The following MYO18B variants were observed in gnomAD, a reference collection of about 807,000 sequenced individuals.
MYO18B encodes myosin XVIIIB, also known as unconventional myosin-XVIIIb.
MYO18B carries 204 observed loss-of-function variants against 273.0 expected under a neutral mutation model. The observed-to-expected ratio is 0.75, with a 90% confidence interval of 0.67 to 0.84. The LOEUF is 0.84. Ranked by LOEUF, MYO18B falls within the 40% of genes least tolerant of loss-of-function variation. The probability of loss-of-function intolerance (pLI) is 0.00; values close to 1 mark genes in which losing one functional copy is unlikely to be tolerated. For missense variants in MYO18B, 3,212 were observed against 3,287.6 expected, an observed-to-expected ratio of 0.98 and a Z score of 0.56; for synonymous variants, 1,330 against 1,305.7, an observed-to-expected ratio of 1.02 and a Z score of -0.40.
chr22:25,919,448 T>A (rs537840194), intron 33 of MYO18B, among the ~76,000 whole-genome samples: 132 of 152,320 alleles, frequency 8.7e-4, no homozygotes, highest in African/African-American at 3.0e-3. Flanking sequence ...ACTATACACC[T>A]CATTGATTCA....
chr22:25,776,372 C>T (rs887611756), intron 7 of MYO18B, among the ~76,000 whole-genome samples: 1 of 152,146 alleles, frequency 6.6e-6, no homozygotes, highest in Non-Finnish European at 1.5e-5. Context: ...CCGAGGCTGG[C>T]GGATCACTTG....
chr22:25,975,406 G>A (rs1387706333), intron 39 of MYO18B, among the ~76,000 whole-genome samples: 1 of 152,160 alleles, frequency 6.6e-6, no homozygotes, highest in Non-Finnish European at 1.5e-5. Context: ...AGTCTGAGAG[G>A]CATCTGAAAG....
In MYO18B at chr22:25,986,440, C is replaced by A. The variant is rs376615586; in HGVS notation, c.6157-5923C>A. On this transcript the variant is annotated intron_variant, in intron 39 of 43. Transcript: ENST00000335473. ...ACAGAGAGATAATAGCCATTGCTAC[C>A]ACTTTGTTGCAATAATCTCAGCTCA... 1.4e-4 allele frequency among the ~76,000 whole-genome samples: 22 copies of A among 152,046 alleles called. No individual in the cohort carries two copies. In the South Asian group the frequency reaches 4.6e-3, roughly 32 times the overall value.
At chr22:25,929,164 A>AG (rs1172947243) in intron 34 of MYO18B, among the ~76,000 whole-genome samples, 1 of 151,406 alleles carries the variant, frequency 6.6e-6, no homozygotes, top group Non-Finnish European at 1.5e-5. Flanking sequence ...CTGTCTCAAA[A>AG]AAAAAAAAAA....
In MYO18B at chr22:25,780,119, G is replaced by T. The variant is rs978485839; in HGVS notation, c.2132G>T (p.Ser711Ile). ...RAFGSVSMAH[S>I]RSATRFSMVM... ...TTCGGCTCTGTGTCCATGGCCCACAGCCGCAGTGCCACCCGGTTCTCCATG... is the reference window on the plus strand; with the variant it reads ...TTCGGCTCTGTGTCCATGGCCCACATCCGCAGTGCCACCCGGTTCTCCATG... Residue 711 changes from serine to isoleucine, a missense_variant, in exon 9 of 44, where the codon AGC becomes ATC. By Grantham distance (142) the Ser-to-Ile change is moderately radical. Coordinates refer to ENST00000335473, the MANE Select transcript of MYO18B (RefSeq NM_032608.7). 2 of 1,603,530 alleles carry T rather than the reference G, an allele frequency of 1.2e-6. No homozygotes were observed. The highest frequency in any genetic ancestry group is 1.7e-6 in the Non-Finnish European group (2 of 1,176,032).
At chr22:26,031,160 A>T (rs1182440811), downstream of MYO18B, 1 of 383,918 alleles carries the variant, frequency 2.6e-6, no homozygotes, top group African/African-American at 2.1e-5. Flanking sequence ...GTGTGCCCAC[A>T]TTTAGGTAGC....
intron 40 of MYO18B, 69 bp downstream of exon 40, chr22:25,992,562 T>C (rs1409904422): frequency 6.9e-6 from 11 of 1,596,468 alleles, no homozygotes; most frequent in African/African-American, 2.7e-5. Flanking sequence ...CTCTATGCCC[T>C]TTAGCCGGGC....
chr22:25,845,769 T>A (rs1468760975), intron 18 of MYO18B, among the ~76,000 whole-genome samples: 1 of 152,208 alleles, frequency 6.6e-6, no homozygotes, highest in Non-Finnish European at 1.5e-5. Context: ...GACTTTGACC[T>A]CTAAGAGAGT....
chr22:25,919,678 ATGTGTGTGTG>A (rs35856330), intron 33 of MYO18B, among the ~76,000 whole-genome samples: 15 of 147,984 alleles, frequency 1.0e-4, no homozygotes, highest in Non-Finnish European at 1.3e-4. Flanking sequence ...GTGTGTGTGT[ATGTGTGTGTG>A]TGTGTGTGTG....
At chr22:25,924,638 C>T (rs965607004) in intron 34 of MYO18B, among the ~76,000 whole-genome samples, 12 of 152,116 alleles carry the variant, frequency 7.9e-5, no homozygotes, top group Admixed American at 5.9e-4. Context: ...CCAGAACATA[C>T]GGGGCCTGGA....
Position 25,781,719 on chromosome 22 carries a change from C to T in MYO18B, c.2212-15C>T, listed in dbSNP as rs369089158. On this transcript the variant is annotated splice_polypyrimidine_tract_variant and intron_variant, in intron 9 of 43. Coordinates refer to ENST00000335473, the MANE Select transcript of MYO18B (RefSeq NM_032608.7). ...CCCAAAGCACTGACTGGGTGCCCCT[C>T]TTCTCTCCCTGCAGACAATGCTTTT... The T allele has an allele frequency of 2.6e-6, 4 of 1,510,968 alleles. No homozygotes were observed. The highest frequency in any genetic ancestry group is 1.8e-4 in the Middle Eastern group (1 of 5,634). 93.6% of individuals were successfully genotyped at this position (1,510,968 alleles called of 1,614,324 possible).
At chr22:25,828,680 G>C in intron 14 of MYO18B, 96 bp from the exon 15 acceptor site, 1 of 1,214,904 alleles carries the variant, frequency 8.2e-7, no homozygotes, top group Admixed American at 2.0e-5. Context: ...TAAGAGGTGA[G>C]CTTGGTTTTG....
intron 35 of MYO18B, 27 bp from the exon 36 acceptor site, chr22:25,947,685 C>T (rs1442932136): frequency 6.3e-7 from 1 of 1,587,616 alleles, no homozygotes; most frequent in Admixed American, 1.7e-5. Context: ...TCTCACCTTG[C>T]CTTGACCACT....
Position 25,768,234 on chromosome 22 carries a change from C to A in MYO18B, c.318C>A (p.Gly106=), listed in dbSNP as rs2086575959. The A allele has an allele frequency of 6.2e-7, 1 of 1,613,866 alleles. No homozygotes were observed. The highest frequency in any genetic ancestry group is 8.5e-7 in the Non-Finnish European group (1 of 1,179,902). The change falls in exon 4 of 44, where the codon GGC becomes GGA. Residue 106 remains glycine, a synonymous_variant. Coordinates refer to ENST00000335473, the MANE Select transcript of MYO18B (RefSeq NM_032608.7). ...CTCCTGGGAGCTCAGACATTCTGGG[C>A]AAGGAGAGCGAGGGGTCCCGCAGCC... The part of the protein sequence containing the change: ...SSSPGSSDIL[G]KESEGSRSPD...
intron 21 of MYO18B, among the ~76,000 whole-genome samples, chr22:25,855,171 G>C (rs892236321): frequency 1.3e-5 from 2 of 151,888 alleles, no homozygotes; most frequent in Non-Finnish European, 2.9e-5. Flanking sequence ...TCATCATTTA[G>C]CTCCCACTTA....
At chr22:25,942,740 C>G (rs1357889095) in intron 34 of MYO18B, among the ~76,000 whole-genome samples, 4 of 152,122 alleles carry the variant, frequency 2.6e-5, no homozygotes, top group Admixed American at 2.0e-4. Context: ...GAACATGGTC[C>G]CCAAGCAACA....
chr22:26,040,092 T>A, the MYO18B span, among the ~76,000 whole-genome samples: 10 of 152,340 alleles, frequency 6.6e-5, no homozygotes, highest in East Asian at 1.7e-3. Flanking sequence ...TAGCTCCCAC[T>A]TATAAATGAG....
chr22:25,766,644 C>T (rs993513319), intron 3 of MYO18B, among the ~76,000 whole-genome samples: 3 of 152,122 alleles, frequency 2.0e-5, no homozygotes, highest in African/African-American at 7.2e-5. Context: ...AAGGGCACGC[C>T]AGGCAGCAAG....
chr22:25,834,293 T>A (rs982247789), intron 16 of MYO18B, among the ~76,000 whole-genome samples: 1 of 151,998 alleles, frequency 6.6e-6, no homozygotes. Context: ...ATTACAGGCA[T>A]GCACCACCAC....
Sources: gnomAD v4.1 joint callset for allele counts (sites outside exome capture counted in the v4.1 genomes callset) on GRCh38, gnomAD v4.1.1 for gene constraint, MANE v1.5 for transcripts, NCBI Gene and HGNC (gene_info 2026-07-23, HGNC 2026-07-21) for gene names.